RIT2: variants seen among roughly 807,000 people sequenced by gnomAD.
RIT2 encodes Ras like without CAAX 2, also known as GTP-binding protein Rit2.
RIT2 carries 24 observed loss-of-function variants against 23.7 expected under a neutral mutation model. The ratio of observed to expected loss-of-function variants is 1.01; its 90% CI spans 0.73 to 1.43. The LOEUF (loss-of-function observed/expected upper bound fraction) is 1.43. Ranked by LOEUF, RIT2 falls within the 40% of genes most tolerant of loss-of-function variation. The pLI, the probability that RIT2 is intolerant of heterozygous loss-of-function variation, is 0.00. For missense variants in RIT2, 236 were observed against 266.9 expected (o/e 0.88, Z 0.81); for synonymous variants, 107 against 91.1 (o/e 1.17, Z -0.99).
intron 1 of RIT2, among the ~76,000 whole-genome samples, chr18:43,086,512 C>T (rs573084041): frequency 2.0e-5 from 3 of 152,050 alleles, no homozygotes; most frequent in African/African-American, 4.8e-5. Context: ...CAGGGTAAAA[C>T]GTAAATGTAA....
At chr18:43,000,208 A>C (rs1349148660) in intron 2 of RIT2, among the ~76,000 whole-genome samples, 3 of 152,104 alleles carry the variant, frequency 2.0e-5, no homozygotes, top group African/African-American at 7.2e-5. Context: ...GTATGTAGAA[A>C]GTTTTCTAAT....
At chr18:43,069,743 T>A (rs1267209596) in intron 1 of RIT2, among the ~76,000 whole-genome samples, 1 of 152,166 alleles carries the variant, frequency 6.6e-6, no homozygotes, top group East Asian at 1.9e-4. Context: ...CCCTACTGCA[T>A]CTGTGACCTT....
chr18:42,758,629 TC>T (rs892953908), intron 4 of RIT2, among the ~76,000 whole-genome samples: 1 of 151,986 alleles, frequency 6.6e-6, no homozygotes. Flanking sequence ...TTCTCCTGCC[TC>T]AGCCTCTCAA....
chr18:42,761,571 T>G (rs1326026667), intron 4 of RIT2, among the ~76,000 whole-genome samples: 1 of 152,238 alleles, frequency 6.6e-6, no homozygotes, highest in Non-Finnish European at 1.5e-5. Flanking sequence ...TATAAAGTCC[T>G]TCTCTTCTTC....
At chr18:43,080,652 C>A (rs1453858540) in intron 1 of RIT2, among the ~76,000 whole-genome samples, 2 of 152,064 alleles carry the variant, frequency 1.3e-5, no homozygotes, top group African/African-American at 4.8e-5. Context: ...TTTTTATTTT[C>A]CAAAACCCAC....
Position 43,112,256 on chromosome 18 carries a change from TACCCCCATG to T in RIT2, c.103+3152_103+3160del, listed in dbSNP as rs546580008. ...AAAACATCACAGAACTCTAAATTAT[TACCCCCATG>T]ACCAGGCACAAGTTATTTTTCTGAC... On this transcript the variant is annotated intron_variant, in intron 1 of 4. Coordinates refer to ENST00000326695, the MANE Select transcript of RIT2 (RefSeq NM_002930.4). Among the ~76,000 whole-genome samples the T allele has an allele frequency of 3.3e-5, 5 of 152,260 alleles. No individual in the cohort carries two copies. In the South Asian group the frequency reaches 6.2e-4, roughly 19 times the overall value.
chr18:42,978,118 C>T (rs1910514319), intron 2 of RIT2, among the ~76,000 whole-genome samples: 1 of 151,882 alleles, frequency 6.6e-6, no homozygotes, highest in African/African-American at 2.4e-5. Flanking sequence ...CAAAGAAGAG[C>T]CTGCTGAGGC....
chr18:43,005,412 C>A (rs992550104), intron 2 of RIT2, among the ~76,000 whole-genome samples: 1 of 151,672 alleles, frequency 6.6e-6, no homozygotes. Flanking sequence ...GATTAGAAGA[C>A]CATGTTTTGA....
At chr18:43,038,020 T>C (rs1436386118) in intron 1 of RIT2, among the ~76,000 whole-genome samples, 3 of 151,782 alleles carry the variant, frequency 2.0e-5, no homozygotes, top group East Asian at 3.9e-4. Flanking sequence ...CTGGCTAACA[T>C]GGTGAAACCC....
At chr18:42,760,362 T>A in intron 4 of RIT2, among the ~76,000 whole-genome samples, 1 of 152,198 alleles carries the variant, frequency 6.6e-6, no homozygotes, top group East Asian at 1.9e-4. Context: ...ACAAGTTTGT[T>A]AAGAAGCAGC....
intron 2 of RIT2, among the ~76,000 whole-genome samples, chr18:42,997,768 A>AT (rs1288690274): frequency 1.3e-5 from 2 of 152,204 alleles, no homozygotes; most frequent in Non-Finnish European, 2.9e-5. Context: ...GTGAAACACT[A>AT]TTTTACCATC....
chr18:43,034,809 C>A (rs1598755578), intron 1 of RIT2, among the ~76,000 whole-genome samples: 1 of 152,278 alleles, frequency 6.6e-6, no homozygotes, highest in South Asian at 2.1e-4. Flanking sequence ...GTCCTACCTT[C>A]AACAAGAATC....
intron 4 of RIT2, among the ~76,000 whole-genome samples, chr18:42,880,478 C>CTTTTG (rs751923867): frequency 6.6e-5 from 10 of 152,072 alleles, no homozygotes; most frequent in Non-Finnish European, 1.2e-4. Flanking sequence ...ACTGTTGAAA[C>CTTTTG]TTTTGTTTTG....
At chr18:43,053,514 C>T (rs764314705) in intron 1 of RIT2, among the ~76,000 whole-genome samples, 10 of 151,852 alleles carry the variant, frequency 6.6e-5, no homozygotes, top group Non-Finnish European at 1.3e-4. Flanking sequence ...AAAAACTAAG[C>T]GTAATGACTG....
intron 2 of RIT2, among the ~76,000 whole-genome samples, chr18:42,982,053 C>T (rs1405378359): frequency 1.3e-5 from 2 of 152,102 alleles, no homozygotes; most frequent in African/African-American, 4.8e-5. Flanking sequence ...GCTGAGATCT[C>T]AAGAAATTTT....
At chr18:42,804,075 G>A (rs1015092008) in intron 4 of RIT2, among the ~76,000 whole-genome samples, 1 of 152,164 alleles carries the variant, frequency 6.6e-6, no homozygotes, top group African/African-American at 2.4e-5. Context: ...GTGAATTGAA[G>A]AATAGAGCCA....
Position 42,924,029 on chromosome 18 carries a change from C to G in RIT2, c.235-266G>C, listed in dbSNP as rs1598716780. Among the ~76,000 whole-genome samples the G allele has an allele frequency of 2.0e-5, 3 of 151,730 alleles. No homozygotes were observed. The Middle Eastern group carries it at 0.01, about 520-fold the overall frequency. On this transcript the variant is annotated intron_variant, in intron 3 of 4. Coordinates refer to ENST00000326695, the MANE Select transcript of RIT2 (RefSeq NM_002930.4). ...GAAAATGAATCTAAATGTTTATACT[C>G]TAATCATTAAATTTATTTGAACCCA...
At chr18:43,022,821 A>C (rs1911627579) in intron 2 of RIT2, among the ~76,000 whole-genome samples, 1 of 152,118 alleles carries the variant, frequency 6.6e-6, no homozygotes, top group African/African-American at 2.4e-5. Flanking sequence ...AGCAACCAGA[A>C]GGAGTGAGAA....
chr18:42,923,525 A>T, intron 4 of RIT2, 47 bp downstream of exon 4: 1 of 1,514,552 alleles, frequency 6.6e-7, no homozygotes, highest in Non-Finnish European at 9.1e-7. Context: ...TGTACTATGC[A>T]TCCTCAGAGC....
Sources: allele counts gnomAD v4.1 joint callset (sites outside exome capture counted in the v4.1 genomes callset), GRCh38; gene constraint gnomAD v4.1.1; transcripts MANE v1.5; gene names NCBI Gene and HGNC (gene_info 2026-07-23, HGNC 2026-07-21).